DIO2: variants seen among roughly 807,000 people sequenced by gnomAD.
DIO2 encodes iodothyronine deiodinase 2.
A neutral mutation model predicts 21.4 loss-of-function variants in DIO2; 19 were observed. The observed-to-expected ratio is 0.89, with a 90% confidence interval of 0.62 to 1.30. DIO2 has a LOEUF of 1.30. Among genes scored for constraint, DIO2 ranks in the 50% most tolerant of loss-of-function variants. The pLI, the probability that DIO2 is intolerant of heterozygous loss-of-function variation, is 0.00. For synonymous variants in DIO2, 122 were observed against 132.9 expected (o/e 0.92, Z 0.57); for missense variants, 302 against 338.1 (o/e 0.89, Z 0.84).
Position 80,200,312 on chromosome 14 carries a change from G to A in DIO2, c.*2377C>T, listed in dbSNP as rs878989915. The A allele has an allele frequency of 2.6e-5, 4 of 152,528 alleles. No individual in the cohort carries two copies. Among genetic ancestry groups the A allele is most frequent in the Non-Finnish European group, 4.4e-5 (3 of 68,036 alleles). 9.4% of individuals were successfully genotyped at this position (152,528 alleles called of 1,614,324 possible). Reference sequence around the variant, plus strand: ...ATTTCTCCATTGGGCTAACCTCAGGGAGAATTGTCTGCACACATAAACGAC... The same window carrying A: ...ATTTCTCCATTGGGCTAACCTCAGGAAGAATTGTCTGCACACATAAACGAC... On this transcript the variant is annotated 3_prime_UTR_variant, in exon 2 of 2. Transcript: ENST00000438257.
chr14:80,209,637 C>T (rs1285224303), intron 1 of DIO2, among the ~76,000 whole-genome samples: 1 of 152,184 alleles, frequency 6.6e-6, no homozygotes, highest in Non-Finnish European at 1.5e-5. Context: ...TCTAGATCTC[C>T]CGTCCTCACT....
chr14:80,203,482 A>G (rs1887829302), intron 1 of DIO2, among the ~76,000 whole-genome samples, 194 bp from the exon 2 acceptor site: 1 of 152,210 alleles, frequency 6.6e-6, no homozygotes, highest in African/African-American at 2.4e-5. Flanking sequence ...AGAATGGCCC[A>G]AAAGACAATA....
upstream of DIO2, among the ~76,000 whole-genome samples, chr14:80,213,053 G>A (rs375001012): frequency 6.6e-6 from 1 of 152,078 alleles, no homozygotes; most frequent in East Asian, 1.9e-4. Flanking sequence ...ATACTTTAAG[G>A]AATCTTCCTT....
chr14:80,214,512 A>T (rs1045372628), upstream of DIO2, among the ~76,000 whole-genome samples: 9 of 151,682 alleles, frequency 5.9e-5, no homozygotes, highest in South Asian at 1.9e-3. Context: ...TTTGAAGGGA[A>T]TTTTTTTTTA....
chr14:80,224,267 A>C (rs1888524867), intron 2 of DIO2, among the ~76,000 whole-genome samples: 1 of 152,150 alleles, frequency 6.6e-6, no homozygotes, highest in Admixed American at 6.6e-5. Context: ...TGAAGCAATC[A>C]ACTAGTTTGT....
At chr14:80,214,372 T>C (rs1332935358), upstream of DIO2, among the ~76,000 whole-genome samples, 1 of 152,172 alleles carries the variant, frequency 6.6e-6, no homozygotes, top group African/African-American at 2.4e-5. Context: ...TGATAGAAAA[T>C]CAGAAAAACC....
intron 2 of DIO2, among the ~76,000 whole-genome samples, chr14:80,226,948 C>T (rs934537649): frequency 2.0e-5 from 3 of 152,238 alleles, no homozygotes; most frequent in Admixed American, 2.0e-4. Flanking sequence ...TTCCAATCAT[C>T]CTTCTTCCAA....
chr14:80,202,279 C>T lies in DIO2; in HGVS notation c.*410G>A. ...TTTTCCAACTGGGCTCCATCCATGC[C>T]AAATAGAGCCAAGGCAATACCCTTT... On this transcript the variant is annotated 3_prime_UTR_variant, in exon 2 of 2. Coordinates refer to ENST00000438257, the MANE Select transcript of DIO2 (RefSeq NM_013989.5). The T allele has an allele frequency of 1.9e-6, 1 of 519,368 alleles. No homozygotes were observed. The highest frequency in any genetic ancestry group is 3.8e-6 in the Non-Finnish European group (1 of 261,226). The allele number at this position is 519,368 out of a possible 1,614,324, so 32.2% of individuals were successfully genotyped here. A position where few individuals can be genotyped will look rare whatever the true frequency, so the allele number is the denominator to read the frequency against.
intron 1 of DIO2, among the ~76,000 whole-genome samples, chr14:80,210,297 T>C (rs1888126248): frequency 6.6e-6 from 1 of 152,206 alleles, no homozygotes; most frequent in Non-Finnish European, 1.5e-5. Context: ...TCTGTGCCCC[T>C]GAAGATCTTA....
chr14:80,214,880 TC>T (rs1888315383), upstream of DIO2, among the ~76,000 whole-genome samples: 1 of 152,228 alleles, frequency 6.6e-6, no homozygotes, highest in East Asian at 1.9e-4. Context: ...TGGGATATTT[TC>T]CCTAACTCTA....
In DIO2 at chr14:80,211,331, G is replaced by T; in HGVS notation, c.142C>A (p.Arg48Ser). The T allele has an allele frequency of 1.2e-6, 2 of 1,613,798 alleles. No homozygotes were observed. The highest frequency in any genetic ancestry group is 1.7e-6 in the Non-Finnish European group (2 of 1,179,868). The stretch of plus-strand genomic sequence containing the variant: ...GTCAGCATGCGCCGCCACTCTCCGC[G>T]AGTGGACTTGGAGCGGCTCAACAGC... ...VLLLSRSKSTRGEWRRMLTSE... is the reference protein window; with the variant it reads ...VLLLSRSKSTSGEWRRMLTSE... The change falls in exon 1 of 2, where the codon CGC becomes AGC. Residue 48 changes from arginine to serine, a missense_variant. Physicochemically the swap from Arg to Ser is moderately radical, Grantham distance 110. Coordinates refer to ENST00000438257, the MANE Select transcript of DIO2 (RefSeq NM_013989.5).
chr14:80,209,373 G>T (rs1268847669), intron 1 of DIO2, among the ~76,000 whole-genome samples: 1 of 150,768 alleles, frequency 6.6e-6, no homozygotes. Flanking sequence ...TACTTTATAG[G>T]CAAAAGGCAA....
intron 1 of DIO2, among the ~76,000 whole-genome samples, chr14:80,207,802 T>TA (rs1888007596): frequency 6.6e-6 from 1 of 152,206 alleles, no homozygotes; most frequent in Admixed American, 6.5e-5. Flanking sequence ...AGCTCTAAGC[T>TA]CTATCATTCC....
intron 2 of DIO2, among the ~76,000 whole-genome samples, chr14:80,222,860 C>CTTTTTT (rs200049777): frequency 2.2e-5 from 3 of 138,822 alleles, no homozygotes; most frequent in African/African-American, 7.9e-5. Context: ...TTCTTTGTTT[C>CTTTTTT]TTTTTTTTTT....
upstream of DIO2, among the ~76,000 whole-genome samples, chr14:80,215,165 G>A (rs962005734): frequency 2.6e-5 from 4 of 152,246 alleles, no homozygotes; most frequent in African/African-American, 4.8e-5. Flanking sequence ...GGGGCATGTC[G>A]GTTGCATTTC....
At chr14:80,217,446 T>C (rs1388308151) in intron 2 of DIO2, among the ~76,000 whole-genome samples, 5 of 152,216 alleles carry the variant, frequency 3.3e-5, no homozygotes. Flanking sequence ...ATTTCAATTT[T>C]GAAGACTAAT....
chr14:80,220,042 G>T (rs202188979), intron 2 of DIO2, among the ~76,000 whole-genome samples: 1 of 23,100 alleles, frequency 4.3e-5, no homozygotes, highest in Admixed American at 2.7e-4. Flanking sequence ...ATCTTGTTTT[G>T]TGTGTGTGTG....
chr14:80,199,455 T>C lies in DIO2; in HGVS notation c.*3234A>G, dbSNP rs1426594017. 1 of 152,198 alleles carries C rather than the reference T, an allele frequency of 6.6e-6. No homozygotes were observed. Among genetic ancestry groups the C allele is most frequent in the South Asian group, 2.1e-4 (1 of 4,830 alleles). The allele number at this position is 152,198 out of a possible 1,614,324, so 9.4% of individuals were successfully genotyped here. On this transcript the variant is annotated 3_prime_UTR_variant, in exon 2 of 2. Coordinates refer to ENST00000438257, the MANE Select transcript of DIO2 (RefSeq NM_013989.5). ...AAGAAAGTCATGTAAGTTAAGTGAC[T>C]GTCACTTAGCTATACAAAGTAGGAA...
chr14:80,218,158 C>T (rs1031257659), intron 2 of DIO2, among the ~76,000 whole-genome samples: 1 of 151,848 alleles, frequency 6.6e-6, no homozygotes, highest in Non-Finnish European at 1.5e-5. Context: ...TCAATAGATG[C>T]CTTCTAATAA....
Sources: gnomAD v4.1 joint callset for allele counts (sites outside exome capture counted in the v4.1 genomes callset) on GRCh38, gnomAD v4.1.1 for gene constraint, MANE v1.5 for transcripts, NCBI Gene and HGNC (gene_info 2026-07-23, HGNC 2026-07-21) for gene names.